The following ACACA variants were observed in gnomAD, a reference collection of about 807,000 sequenced individuals.
ACACA encodes the protein acetyl-CoA carboxylase alpha.
A neutral mutation model predicts 296.1 loss-of-function variants in ACACA; 103 were observed. The ratio of observed to expected loss-of-function variants is 0.35; its 90% CI spans 0.30 to 0.41. The LOEUF is 0.41. ACACA is among the 10% of genes least tolerant of loss of function. The pLI is 1.00. For missense variants in ACACA, 1,554 were observed against 2,989.7 expected (o/e 0.52, Z 11.20); for synonymous variants, 953 against 1,038.6 (o/e 0.92, Z 1.58).
intron 45 of ACACA, among the ~76,000 whole-genome samples, chr17:37,147,706 C>T (rs572735976): frequency 6.6e-6 from 1 of 152,262 alleles, no homozygotes; most frequent in Non-Finnish European, 1.5e-5. Flanking sequence ...CTGATCACTC[C>T]CTTCAGCTAA....
At chr17:37,378,000 C>T in intron 1 of ACACA, 2 of 1,584,402 alleles carry the variant, frequency 1.3e-6, no homozygotes, top group East Asian at 2.2e-5. Flanking sequence ...AATGATATTG[C>T]CATTCCAAAA....
chr17:37,330,724 A>C (rs2047836600), intron 2 of ACACA, among the ~76,000 whole-genome samples: 1 of 152,218 alleles, frequency 6.6e-6, no homozygotes, highest in African/African-American at 2.4e-5. Flanking sequence ...GGAAATAATT[A>C]TGATCAATGG....
At chr17:37,191,410 T>C (rs2077744855) in intron 37 of ACACA, 135 bp from the exon 38 acceptor site, 8 of 937,376 alleles carry the variant, frequency 8.5e-6, no homozygotes, top group African/African-American at 1.6e-5. Flanking sequence ...TCTTTCTCCC[T>C]AGAGTCAGTC....
At chr17:37,330,501 C>G in intron 2 of ACACA, 76 bp from the exon 3 acceptor site, 1 of 1,574,672 alleles carries the variant, frequency 6.4e-7, no homozygotes, top group African/African-American at 1.3e-5. Context: ...GAGGTTATAT[C>G]TAATAAACCA....
Position 37,188,620 on chromosome 17 carries a change from T to G in ACACA, c.4573-140A>C, listed in dbSNP as rs898303120. 1.3e-5 allele frequency: 11 copies of G among 822,650 alleles called. No homozygotes were observed. The African/African-American group carries it at 1.9e-4, about 14-fold the overall frequency. 51.0% of individuals were successfully genotyped at this position (822,650 alleles called of 1,614,324 possible). A position where few individuals can be genotyped will look rare whatever the true frequency, so the allele number is the denominator to read the frequency against. On this transcript the variant is annotated intron_variant, in intron 38 of 55. Coordinates refer to ENST00000616317, the MANE Select transcript of ACACA (RefSeq NM_198834.3). ...GAGATGCACACCTTACAAAAAGTGGTCAGATAGTTTCTCCCCAAACTATTC... is the reference window on the plus strand; with the variant it reads ...GAGATGCACACCTTACAAAAAGTGGGCAGATAGTTTCTCCCCAAACTATTC...
At chr17:37,266,435 ATAGT>A (rs2081780728) in intron 10 of ACACA, among the ~76,000 whole-genome samples, 3 of 149,976 alleles carry the variant, frequency 2.0e-5, no homozygotes, top group Non-Finnish European at 4.4e-5. Context: ...AAAAAAAAAG[ATAGT>A]TAGAAGCATG....
intron 3 of ACACA, chr17:37,299,488 G>A: frequency 1.3e-6 from 2 of 1,495,520 alleles, no homozygotes; most frequent in Non-Finnish European, 1.8e-6. Flanking sequence ...TACTCCTGAT[G>A]GCCTCAAACT....
intron 45 of ACACA, among the ~76,000 whole-genome samples, chr17:37,132,378 G>C (rs976835889): frequency 6.6e-6 from 1 of 152,196 alleles, no homozygotes; most frequent in Non-Finnish European, 1.5e-5. Context: ...GAGCCTGGTA[G>C]AGGCAGAAAC....
intron 39 of ACACA, among the ~76,000 whole-genome samples, chr17:37,187,537 A>G (rs1348596855): frequency 1.3e-5 from 2 of 152,248 alleles, no homozygotes; most frequent in Non-Finnish European, 1.5e-5. Context: ...ATCATAGTAA[A>G]GAGCCCAAAT....
chr17:37,386,456 G>A (rs1817926056), intron 1 of ACACA, among the ~76,000 whole-genome samples: 1 of 152,062 alleles, frequency 6.6e-6, no homozygotes, highest in Non-Finnish European at 1.5e-5. Context: ...GCCGGACGTG[G>A]TGGCAGGTAC....
At chr17:37,193,613 TCAC>T (rs1275237311) in intron 35 of ACACA, among the ~76,000 whole-genome samples, 198 bp from the exon 36 acceptor site, 4 of 152,142 alleles carry the variant, frequency 2.6e-5, no homozygotes, top group African/African-American at 7.2e-5. Flanking sequence ...AATTTGAGAA[TCAC>T]CACATTATAA....
chr17:37,313,082 G>A (rs1167260191), intron 3 of ACACA, among the ~76,000 whole-genome samples: 1 of 152,118 alleles, frequency 6.6e-6, no homozygotes, highest in Non-Finnish European at 1.5e-5. Flanking sequence ...GATTTTACTA[G>A]GGAGGAGGTT....
intron 50 of ACACA, among the ~76,000 whole-genome samples, chr17:37,119,983 C>T (rs1373426729): frequency 1.3e-5 from 2 of 150,000 alleles, no homozygotes; most frequent in Non-Finnish European, 2.9e-5. Context: ...ACCTCTGCCT[C>T]CTGGGTTCAA....
At chr17:37,364,959 G>A (rs1329484030) in intron 1 of ACACA, among the ~76,000 whole-genome samples, 4 of 152,032 alleles carry the variant, frequency 2.6e-5, no homozygotes, top group Non-Finnish European at 2.9e-5. Context: ...GTAGCAATAT[G>A]GTCATACCAC....
intron 1 of ACACA, among the ~76,000 whole-genome samples, chr17:37,384,601 A>G (rs1305396271): frequency 6.6e-6 from 1 of 151,984 alleles, no homozygotes; most frequent in Non-Finnish European, 1.5e-5. Context: ...GACTTGTCCA[A>G]AGTGAGATTT....
chr17:37,112,707 C>T (rs541307770), intron 51 of ACACA, among the ~76,000 whole-genome samples: 9 of 152,142 alleles, frequency 5.9e-5, no homozygotes, highest in African/African-American at 2.2e-4. Flanking sequence ...GAGAAGCGGG[C>T]GGTCCACTAA....
intron 40 of ACACA, among the ~76,000 whole-genome samples, chr17:37,179,617 G>C (rs1022708535): frequency 6.6e-6 from 1 of 152,098 alleles, no homozygotes; most frequent in Non-Finnish European, 1.5e-5. Context: ...TTTCCAAAAA[G>C]TCAAACTACT....
intron 1 of ACACA, among the ~76,000 whole-genome samples, chr17:37,378,562 A>G (rs933139654): frequency 6.6e-6 from 1 of 152,080 alleles, no homozygotes; most frequent in African/African-American, 2.4e-5. Flanking sequence ...AAGATACAAA[A>G]ATCAGCTGGA....
intron 52 of ACACA, 38 bp from the exon 53 acceptor site, chr17:37,098,022 G>T (rs1366168238): frequency 1.2e-6 from 2 of 1,613,538 alleles, no homozygotes; most frequent in South Asian, 1.1e-5. Context: ...ACTCTGTAAT[G>T]ACCAGGAATC....
Sources: allele counts gnomAD v4.1 joint callset (sites outside exome capture counted in the v4.1 genomes callset), GRCh38; gene constraint gnomAD v4.1.1; transcripts MANE v1.5; gene names NCBI Gene and HGNC (gene_info 2026-07-23, HGNC 2026-07-21).